Variants in KLF12 observed in about 807,000 individuals in gnomAD.
KLF12 encodes Krueppel-like factor 12.
In KLF12, 9 loss-of-function variants were observed where a neutral mutation model predicts 37.8. The ratio of observed to expected loss-of-function variants is 0.24; its 90% confidence interval spans 0.14 to 0.42. The LOEUF (loss-of-function observed/expected upper bound fraction) is 0.42, where lower values mean the gene tolerates loss of function less well. Ranked by LOEUF, KLF12 falls within the 10% of genes least tolerant of loss-of-function variation. The pLI, the probability that KLF12 is intolerant of heterozygous loss-of-function variation, is 1.00. For missense variants in KLF12, 411 were observed against 516.0 expected, an observed-to-expected ratio of 0.80 and a Z score of 1.97; for synonymous variants, 208 against 202.1, an observed-to-expected ratio of 1.03 and a Z score of -0.25.
rs141959873 is a variant in KLF12 at position 73,715,718 on chromosome 13, C to T, written c.870-193G>A. 7.3e-3 allele frequency among the ~76,000 whole-genome samples: 1,105 copies of T among 152,188 alleles called. 17 individuals carry two copies. Among genetic ancestry groups the T allele is most frequent in the African/African-American group, 0.025 (1,034 of 41,526 alleles). ...AAAGGCAGGCAGCATGAGTTATTTCCGGCAAAACACTCCAAGGGAGAGAAA... is the reference window on the plus strand; with the variant it reads ...AAAGGCAGGCAGCATGAGTTATTTCTGGCAAAACACTCCAAGGGAGAGAAA... On this transcript the variant is annotated intron_variant, in intron 6 of 7. Coordinates refer to ENST00000377669, the MANE Select transcript of KLF12 (RefSeq NM_007249.5).
intron 5 of KLF12, among the ~76,000 whole-genome samples, chr13:73,770,833 AT>A (rs907507416): frequency 2.6e-5 from 4 of 152,138 alleles, no homozygotes; most frequent in African/African-American, 9.6e-5. Context: ...AATATGTGAA[AT>A]TTTTTTTAAC....
the KLF12 span, among the ~76,000 whole-genome samples, chr13:74,211,081 T>C: frequency 6.6e-6 from 1 of 152,298 alleles, no homozygotes; most frequent in Middle Eastern, 3.4e-3. Context: ...TCCACCCACA[T>C]TATTATTGCC....
the KLF12 span, among the ~76,000 whole-genome samples, chr13:74,240,963 C>G: frequency 1.3e-5 from 2 of 151,962 alleles, no homozygotes; most frequent in East Asian, 3.9e-4. Context: ...CATTCTCCAT[C>G]CAGCTTTGTT....
chr13:74,191,198 C>A, the KLF12 span, among the ~76,000 whole-genome samples: 2 of 152,242 alleles, frequency 1.3e-5, no homozygotes, highest in East Asian at 3.9e-4. Flanking sequence ...ATGTGACAAG[C>A]AGTATATTCT....
At chr13:73,818,079 A>G (rs924244128) in intron 4 of KLF12, among the ~76,000 whole-genome samples, 7 of 152,226 alleles carry the variant, frequency 4.6e-5, no homozygotes, top group African/African-American at 7.2e-5. Flanking sequence ...ATCCTTCAGT[A>G]TTGTGCAGCT....
the KLF12 span, among the ~76,000 whole-genome samples, chr13:74,209,622 C>T: frequency 7.9e-5 from 12 of 151,842 alleles, no homozygotes; most frequent in Admixed American, 7.9e-4. Flanking sequence ...CCACCTCTTA[C>T]TAGCTGTGTG....
At chr13:74,287,389 A>AGAGAGAGAGAGAGAGAGG in the KLF12 span, among the ~76,000 whole-genome samples, 219 of 150,746 alleles carry the variant, frequency 1.5e-3, 2 homozygotes, top group African/African-American at 5.3e-3. Flanking sequence ...AGAGAGAGAG[A>AGAGAGAGAGAGAGAGAGG]GAGAGAATCC....
chr13:74,025,459 T>C (rs2025534), intron 1 of KLF12, among the ~76,000 whole-genome samples: 94,162 of 151,940 alleles, frequency 0.62, 30,198 homozygotes, highest in East Asian at 0.84. Context: ...TGATGCTCAC[T>C]ACTGCTATAG....
chr13:74,001,225 T>C (rs1239815438), intron 1 of KLF12, among the ~76,000 whole-genome samples: 1 of 152,216 alleles, frequency 6.6e-6, no homozygotes, highest in Non-Finnish European at 1.5e-5. Context: ...TAAAAATCTT[T>C]GGGGTTTTGA....
chr13:74,069,405 A>G (rs1566197210), intron 1 of KLF12, among the ~76,000 whole-genome samples: 1 of 152,168 alleles, frequency 6.6e-6, no homozygotes, highest in Non-Finnish European at 1.5e-5. Context: ...GATGGTGGTG[A>G]GGCCTGCAGA....
chr13:73,837,101 C>T (rs897303904), intron 4 of KLF12, among the ~76,000 whole-genome samples: 3 of 152,050 alleles, frequency 2.0e-5, no homozygotes, highest in African/African-American at 7.3e-5. Flanking sequence ...TAAAATGATC[C>T]GTCCTGGGTA....
rs1225522328 is a variant in KLF12, at chr13:74,091,195, C to T, written c.-32+42544G>A. On this transcript the variant is annotated intron_variant, in intron 1 of 7. Coordinates refer to ENST00000377669, the MANE Select transcript of KLF12 (RefSeq NM_007249.5). ...CCACATGCAAAAGAATGACTTTGGA[C>T]CCTTGCCTCATAACATATTCAAAAA... Among the ~76,000 whole-genome samples, 3 of 152,130 alleles carry T rather than the reference C, an allele frequency of 2.0e-5. No individual in the cohort carries two copies. The East Asian group carries it at 5.8e-4, about 29-fold the overall frequency.
chr13:73,756,911 T>C (rs1199047670), intron 6 of KLF12, among the ~76,000 whole-genome samples: 2 of 152,174 alleles, frequency 1.3e-5, no homozygotes, highest in Non-Finnish European at 2.9e-5. Flanking sequence ...CTGTGTTTCC[T>C]GAGGCCCAGA....
chr13:73,956,800 C>T (rs1400505422), intron 2 of KLF12, among the ~76,000 whole-genome samples: 1 of 151,876 alleles, frequency 6.6e-6, no homozygotes, highest in African/African-American at 2.4e-5. Context: ...TGGTGGTGTG[C>T]ACCTATAGTC....
intron 3 of KLF12, among the ~76,000 whole-genome samples, chr13:73,891,004 G>C (rs1887479055): frequency 6.6e-6 from 1 of 151,942 alleles, no homozygotes. Context: ...AACAAATGTA[G>C]AAGAAACCAG....
At chr13:74,072,408 A>ATATAT (rs1874324035) in intron 1 of KLF12, among the ~76,000 whole-genome samples, 3 of 48,450 alleles carry the variant, frequency 6.2e-5, no homozygotes, top group East Asian at 1.2e-3. Context: ...TATATATATA[A>ATATAT]AAGATTATCT....
At chr13:73,810,688 T>C (rs1248232946) in intron 5 of KLF12, among the ~76,000 whole-genome samples, 1 of 150,162 alleles carries the variant, frequency 6.7e-6, no homozygotes, top group Admixed American at 6.7e-5. Flanking sequence ...ATTAGAATGA[T>C]GCAGGAAAAC....
intron 5 of KLF12, among the ~76,000 whole-genome samples, chr13:73,772,844 C>T (rs867352293): frequency 3.3e-5 from 5 of 152,084 alleles, no homozygotes; most frequent in Middle Eastern, 3.4e-3. Context: ...TGTCACAAAG[C>T]GGGATTCAGA....
chr13:73,935,160 T>G (rs1458340554), intron 3 of KLF12, among the ~76,000 whole-genome samples: 2 of 151,722 alleles, frequency 1.3e-5, no homozygotes, highest in African/African-American at 4.8e-5. Context: ...TTGTATTTTT[T>G]TATTTTTTAG....
Sources: gnomAD v4.1 joint callset for allele counts (sites outside exome capture counted in the v4.1 genomes callset) on GRCh38, gnomAD v4.1.1 for gene constraint, MANE v1.5 for transcripts, NCBI Gene and HGNC (gene_info 2026-07-23, HGNC 2026-07-21) for gene names.